The following MCTP2 variants were observed in gnomAD, a reference collection of about 807,000 sequenced individuals.
The protein encoded by MCTP2 is multiple C2 and transmembrane domain containing 2.
MCTP2 carries 132 observed loss-of-function variants against 111.6 expected under a neutral mutation model. That is an observed-to-expected ratio of 1.18 (90% confidence interval 1.03 to 1.37). The LOEUF (loss-of-function observed/expected upper bound fraction) is 1.37. Ranked by LOEUF, MCTP2 falls within the 40% of genes most tolerant of loss-of-function variation. The pLI is 0.00. For missense variants in MCTP2, 1,183 were observed against 1,067.9 expected (o/e 1.11, Z -1.50); for synonymous variants, 395 against 387.7 (o/e 1.02, Z -0.22).
intron 1 of MCTP2, among the ~76,000 whole-genome samples, chr15:94,291,342 C>T (rs896356011): frequency 1.3e-5 from 2 of 152,164 alleles, no homozygotes; most frequent in Admixed American, 1.3e-4. Flanking sequence ...GTGGCTCACA[C>T]CTGTAATCCC....
At chr15:94,454,751 T>A (rs943678116) in intron 19 of MCTP2, among the ~76,000 whole-genome samples, 3 of 152,306 alleles carry the variant, frequency 2.0e-5, no homozygotes, top group African/African-American at 7.2e-5. Flanking sequence ...TTTATTTTTC[T>A]ACGAAAGCAA....
chr15:94,268,180 C>CTTTTTT lies in MCTP2; in HGVS notation c.-65-30018_-65-30017insTTTTTT, dbSNP rs371485797. 3.0e-5 allele frequency among the ~76,000 whole-genome samples: 4 copies of CTTTTTT among 134,392 alleles called. 1 individual carries two copies. The highest frequency in any genetic ancestry group is 2.8e-5 in the African/African-American group (1 of 35,820). 88.2% of individuals were successfully genotyped at this position (134,392 alleles called of 152,430 possible). On this transcript the variant is annotated intron_variant, in intron 1 of 22. Transcript: ENST00000357742. ...CACGCCCGGCCCAAATTCATTCTTT[C>CTTTTTT]TTTCTTTTTTTTTTTTTTGAGACAG...
intron 8 of MCTP2, among the ~76,000 whole-genome samples, chr15:94,345,404 T>C (rs113959656): frequency 1.3e-3 from 196 of 149,304 alleles, no homozygotes; most frequent in African/African-American, 4.4e-3. Context: ...CCGGCCATGT[T>C]AGAGTGTTAC....
chr15:94,316,078 T>C lies in MCTP2; in HGVS notation c.637+441T>C, dbSNP rs377609909. On this transcript the variant is annotated intron_variant, in intron 4 of 22. Coordinates refer to ENST00000357742, the MANE Select transcript of MCTP2 (RefSeq NM_001385001.1). ...ATCTCACTGGACTCCCTCTAATAGCTAGTGTCTGCCTGTGATTGTTTTATT... is the reference window on the plus strand; with the variant it reads ...ATCTCACTGGACTCCCTCTAATAGCCAGTGTCTGCCTGTGATTGTTTTATT... Among the ~76,000 whole-genome samples, 237 of 152,318 alleles carry C rather than the reference T, an allele frequency of 1.6e-3. 3 individuals carry two copies. The highest frequency in any genetic ancestry group is 5.5e-3 in the African/African-American group (229 of 41,574).
chr15:94,379,032 G>A (rs1596519093), intron 12 of MCTP2, among the ~76,000 whole-genome samples: 1 of 151,890 alleles, frequency 6.6e-6, no homozygotes, highest in East Asian at 1.9e-4. Flanking sequence ...AAGAAGGCAA[G>A]GTTAAACTAG....
chr15:94,465,298 A>G (rs913835987), intron 20 of MCTP2, among the ~76,000 whole-genome samples: 11 of 152,108 alleles, frequency 7.2e-5, no homozygotes, highest in African/African-American at 2.4e-4. Flanking sequence ...TCAGATCCCC[A>G]GTGGATGTCT....
chr15:94,256,332 A>G (rs975896572), intron 1 of MCTP2, among the ~76,000 whole-genome samples: 1 of 152,172 alleles, frequency 6.6e-6, no homozygotes, highest in East Asian at 1.9e-4. Context: ...TCCAAAATCT[A>G]CAAAAATCTG....
intron 2 of MCTP2, among the ~76,000 whole-genome samples, chr15:94,305,024 G>T (rs2075815372): frequency 6.6e-6 from 1 of 152,136 alleles, no homozygotes; most frequent in African/African-American, 2.4e-5. Flanking sequence ...TTGTATGTCT[G>T]GGTGCTGACG....
rs559371800 is a variant in MCTP2, at chr15:94,461,207, C to T, written c.2360+2961C>T. Among the ~76,000 whole-genome samples the T allele has an allele frequency of 5.3e-5, 8 of 152,314 alleles. No homozygotes were observed. In the East Asian group the frequency reaches 1.2e-3, roughly 22 times the overall value. On this transcript the variant is annotated intron_variant, in intron 20 of 22. Coordinates refer to ENST00000357742, the MANE Select transcript of MCTP2 (RefSeq NM_001385001.1). The stretch of plus-strand genomic sequence containing the variant: ...GGGCACGGTGGCTCACATCTGTAAT[C>T]CCAGCACTTTGGGAGGCTGAGGTGG...
chr15:94,440,131 G>T lies in MCTP2; in HGVS notation c.2086-45G>T. 3 of 1,605,854 alleles carry T rather than the reference G, an allele frequency of 1.9e-6. 1 individual carries two copies. ...GAGTAGGAATTTGATTGCTCCCCTA[G>T]TGTTTTATCAAGCAGTCGTGTATTC... On this transcript the variant is annotated intron_variant, in intron 17 of 22. Coordinates refer to ENST00000357742, the MANE Select transcript of MCTP2 (RefSeq NM_001385001.1).
chr15:94,394,722 G>A (rs1352883158), intron 14 of MCTP2, among the ~76,000 whole-genome samples: 1 of 151,756 alleles, frequency 6.6e-6, no homozygotes. Flanking sequence ...CCAAGATCAC[G>A]CCACTGCACT....
chr15:94,407,154 C>T (rs1168193772), intron 17 of MCTP2, among the ~76,000 whole-genome samples: 1 of 151,886 alleles, frequency 6.6e-6, no homozygotes, highest in Non-Finnish European at 1.5e-5. Context: ...ATTTTATAAA[C>T]CCCAATGTTG....
At chr15:94,242,791 T>C (rs775714745) in intron 1 of MCTP2, among the ~76,000 whole-genome samples, 3 of 151,482 alleles carry the variant, frequency 2.0e-5, no homozygotes, top group Non-Finnish European at 1.5e-5. Context: ...CATGCACATA[T>C]CCTATTGGCA....
At position 94,401,926 on chromosome 15, in the gene MCTP2, G is replaced by GA. The variant is rs1567632273; in HGVS notation, c.1996dup (p.Arg666LysfsTer14). On this transcript the variant is annotated frameshift_variant, in exon 17 of 23. Coordinates refer to ENST00000357742, the MANE Select transcript of MCTP2 (RefSeq NM_001385001.1). LOFTEE classifies it high-confidence loss of function. ...TCTTATCAAGAGATGTGGACCGTGT[G>GA]AAAAGAATCACTATGGCAATATGGA... is the stretch of plus-strand genomic sequence containing the variant. 10 of 1,612,778 alleles carry GA rather than the reference G, an allele frequency of 6.2e-6. No individual in the cohort carries two copies. The highest frequency in any genetic ancestry group is 1.3e-5 in the African/African-American group (1 of 75,002).
At chr15:94,250,682 A>G (rs2072353313) in intron 1 of MCTP2, among the ~76,000 whole-genome samples, 1 of 152,206 alleles carries the variant, frequency 6.6e-6, no homozygotes, top group South Asian at 2.1e-4. Flanking sequence ...TGCAAGGTGA[A>G]GTCACTCAGA....
At chr15:94,318,424 C>T (rs1253149521) in intron 4 of MCTP2, among the ~76,000 whole-genome samples, 2 of 152,068 alleles carry the variant, frequency 1.3e-5, no homozygotes, top group African/African-American at 2.4e-5. Context: ...GCTGGGATTA[C>T]AGGCACGCAC....
intron 7 of MCTP2, chr15:94,342,690 A>G (rs8028814): frequency 1.3e-5 from 2 of 151,336 alleles, no homozygotes; most frequent in African/African-American, 4.9e-5. Context: ...ATTTATCTCC[A>G]TATATATACA....
chr15:94,431,774 G>A (rs2083196334), intron 17 of MCTP2, among the ~76,000 whole-genome samples: 1 of 151,894 alleles, frequency 6.6e-6, no homozygotes, highest in African/African-American at 2.4e-5. Flanking sequence ...TCATACTTAT[G>A]TGTTTTCCCC....
chr15:94,320,226 T>C (rs2076566998), intron 4 of MCTP2, among the ~76,000 whole-genome samples: 1 of 148,456 alleles, frequency 6.7e-6, no homozygotes, highest in African/African-American at 2.5e-5. Flanking sequence ...CACTGCAAGC[T>C]CCACCTCCTG....
Sources: allele counts gnomAD v4.1 joint callset (sites outside exome capture counted in the v4.1 genomes callset), GRCh38; gene constraint gnomAD v4.1.1; transcripts MANE v1.5; gene names NCBI Gene and HGNC (gene_info 2026-07-23, HGNC 2026-07-21).